The following PGGT1B variants were observed in gnomAD, a reference collection of about 807,000 sequenced individuals.
The protein encoded by PGGT1B is geranylgeranyl transferase type-1 subunit beta.
In PGGT1B, 30 loss-of-function variants were observed where a neutral mutation model predicts 46.1. The observed-to-expected ratio is 0.65, with a 90% CI of 0.49 to 0.88. PGGT1B has a LOEUF of 0.88. Ranked by LOEUF, PGGT1B falls within the 40% of genes least tolerant of loss-of-function variation. The pLI is 0.00. For missense variants in PGGT1B, 376 were observed against 455.9 expected (o/e 0.82, Z 1.60); for synonymous variants, 170 against 160.0 (o/e 1.06, Z -0.47).
intron 2 of PGGT1B, among the ~76,000 whole-genome samples, chr5:115,244,236 C>T (rs1264076130): frequency 1.3e-5 from 2 of 151,824 alleles, no homozygotes; most frequent in African/African-American, 4.8e-5. Flanking sequence ...GAGGCCGAGA[C>T]GGGCGGATCA....
Position 115,244,045 on chromosome 5 carries a change from C to T in PGGT1B, c.260-2439G>A, listed in dbSNP as rs1229375709. ...ACATGTCACCTATGGATAAGCTCCA[C>T]ATTTTAAGGTCAGTTGATTAGTATA... On this transcript the variant is annotated intron_variant, in intron 2 of 8. Transcript: ENST00000419445. 2.0e-5 allele frequency among the ~76,000 whole-genome samples: 3 copies of T among 152,278 alleles called. No individual in the cohort carries two copies. The East Asian group carries it at 5.8e-4, about 29-fold the overall frequency.
At chr5:115,239,290 C>T (rs1237926246) in intron 3 of PGGT1B, among the ~76,000 whole-genome samples, 1 of 152,148 alleles carries the variant, frequency 6.6e-6, no homozygotes, top group Non-Finnish European at 1.5e-5. Context: ...GTGATCCATC[C>T]TCCTCATCCT....
chr5:115,225,727 C>A (rs1464055168), intron 6 of PGGT1B, among the ~76,000 whole-genome samples: 3 of 150,410 alleles, frequency 2.0e-5, no homozygotes, highest in African/African-American at 7.4e-5. Context: ...CTCACTGCAA[C>A]CTCCGCCTCC....
intron 1 of PGGT1B, among the ~76,000 whole-genome samples, chr5:115,257,937 C>A (rs538976084): frequency 6.6e-6 from 1 of 152,110 alleles, no homozygotes; most frequent in Admixed American, 6.6e-5. Flanking sequence ...CATAATACTT[C>A]GAAACAAATG....
chr5:115,259,939 C>T (rs971712713), intron 1 of PGGT1B, among the ~76,000 whole-genome samples: 2 of 152,118 alleles, frequency 1.3e-5, no homozygotes, highest in African/African-American at 4.8e-5. Flanking sequence ...AAAAGGACTA[C>T]TCTAATTCCT....
chr5:115,240,513 C>G (rs971575881), intron 3 of PGGT1B, among the ~76,000 whole-genome samples: 6 of 152,052 alleles, frequency 3.9e-5, no homozygotes, highest in Non-Finnish European at 8.8e-5. Flanking sequence ...TTTTCTGAAT[C>G]CTTTGTTTTC....
intron 2 of PGGT1B, 48 bp from the exon 3 acceptor site, chr5:115,241,654 A>C (rs1040237033): frequency 1.4e-6 from 2 of 1,400,960 alleles, no homozygotes; most frequent in African/African-American, 2.9e-5. Context: ...TTATTTTTGC[A>C]CAGATTCTAA....
At chr5:115,249,537 G>A (rs1747995642) in intron 2 of PGGT1B, among the ~76,000 whole-genome samples, 1 of 152,106 alleles carries the variant, frequency 6.6e-6, no homozygotes, top group Non-Finnish European at 1.5e-5. Flanking sequence ...GAGTGGTTTG[G>A]TGGGAGTCAG....
intron 8 of PGGT1B, among the ~76,000 whole-genome samples, chr5:115,212,971 GTTTT>G (rs923492557): frequency 6.6e-6 from 1 of 151,374 alleles, no homozygotes; most frequent in Non-Finnish European, 1.5e-5. Flanking sequence ...ATATCATTAA[GTTTT>G]TTTTTCTTTA....
intron 6 of PGGT1B, among the ~76,000 whole-genome samples, chr5:115,222,581 T>C (rs1026664687): frequency 8.5e-5 from 13 of 152,206 alleles, no homozygotes; most frequent in African/African-American, 3.1e-4. Context: ...TTTTCAAGGA[T>C]CTAGAACTAG....
intron 2 of PGGT1B, among the ~76,000 whole-genome samples, chr5:115,245,812 G>A (rs1050683128): frequency 6.6e-6 from 1 of 152,136 alleles, no homozygotes; most frequent in Non-Finnish European, 1.5e-5. Flanking sequence ...AAAAGACAAT[G>A]TAGTATTTTT....
intron 1 of PGGT1B, among the ~76,000 whole-genome samples, 200 bp from the exon 2 acceptor site, chr5:115,253,455 A>G (rs66995219): frequency 0.054 from 8,241 of 152,012 alleles, 290 homozygotes; most frequent in African/African-American, 0.095. Context: ...TCAATTTTTC[A>G]AAAGGGGACA....
chr5:115,258,117 C>G (rs1404079922), intron 1 of PGGT1B, among the ~76,000 whole-genome samples: 1 of 152,198 alleles, frequency 6.6e-6, no homozygotes, highest in East Asian at 1.9e-4. Context: ...TAAGAAACAT[C>G]TACTGAACAC....
chr5:115,238,068 A>G, intron 3 of PGGT1B, 59 bp from the exon 4 acceptor site: 1 of 1,227,136 alleles, frequency 8.1e-7, no homozygotes, highest in Non-Finnish European at 1.2e-6. Context: ...TTATTTCATT[A>G]AGAAATCTGA....
Position 115,236,399 on chromosome 5 carries a change from T to C in PGGT1B, c.603A>G (p.Arg201=). Residue 201 remains arginine, a synonymous_variant, in exon 5 of 9, where the codon AGA becomes AGG. Coordinates refer to ENST00000419445, the MANE Select transcript of PGGT1B (RefSeq NM_005023.4). ...TATCAACAGAACTCACCATACTCCT[T>C]CTAATATAGGTGATGGCTTTTTTCA... The part of the protein sequence containing the change: ...MDMKKAITYI[R]RSMSYDNGLA... 1 of 1,593,278 alleles carries C rather than the reference T, an allele frequency of 6.3e-7. No individual in the cohort carries two copies. The highest frequency in any genetic ancestry group is 8.5e-7 in the Non-Finnish European group (1 of 1,172,458).
chr5:115,258,166 C>T (rs2127035683), intron 1 of PGGT1B, among the ~76,000 whole-genome samples: 1 of 152,308 alleles, frequency 6.6e-6, no homozygotes, highest in African/African-American at 2.4e-5. Context: ...ATGAATAAAG[C>T]TTCCTAACCT....
chr5:115,257,121 C>T (rs1050105107), intron 1 of PGGT1B, among the ~76,000 whole-genome samples: 3 of 152,042 alleles, frequency 2.0e-5, no homozygotes, highest in Admixed American at 6.6e-5. Context: ...GTTGCTTTAC[C>T]AAAGAATCAA....
intron 4 of PGGT1B, among the ~76,000 whole-genome samples, chr5:115,237,315 C>T (rs1030233344): frequency 1.3e-5 from 2 of 152,148 alleles, no homozygotes; most frequent in Non-Finnish European, 2.9e-5. Context: ...ACTGCTTTAT[C>T]GCTTCTCAGA....
intron 7 of PGGT1B, 152 bp downstream of exon 7, chr5:115,221,672 A>C: frequency 2.2e-6 from 1 of 456,422 alleles, no homozygotes; most frequent in Admixed American, 4.3e-5. Context: ...CTATGGAAAA[A>C]CCATACAGAG....
Sources: gnomAD v4.1 joint callset for allele counts (sites outside exome capture counted in the v4.1 genomes callset) on GRCh38, gnomAD v4.1.1 for gene constraint, MANE v1.5 for transcripts, NCBI Gene and HGNC (gene_info 2026-07-23, HGNC 2026-07-21) for gene names.